The following TPD52 variants were observed in gnomAD, a reference collection of about 807,000 sequenced individuals.
The protein encoded by TPD52 is prostate and colon associated protein.
Under a neutral mutation model 31.3 loss-of-function variants are expected in TPD52, and 17 were observed. The observed-to-expected ratio is 0.54, with a 90% CI of 0.37 to 0.82. The LOEUF is 0.82. Ranked by LOEUF, TPD52 falls within the 40% of genes least tolerant of loss-of-function variation. TPD52 has a pLI of 0.00. For synonymous variants in TPD52, 83 were observed against 89.6 expected (o/e 0.93, Z 0.42); for missense variants, 212 against 240.1 (o/e 0.88, Z 0.77).
intron 1 of TPD52, among the ~76,000 whole-genome samples, chr8:80,162,518 G>A (rs576337387): frequency 6.6e-6 from 1 of 151,982 alleles, no homozygotes; most frequent in Non-Finnish European, 1.5e-5. Flanking sequence ...AATGACTAGA[G>A]AGACTGAGGC....
intron 1 of TPD52, among the ~76,000 whole-genome samples, chr8:80,151,357 A>G (rs1190678108): frequency 6.6e-6 from 1 of 152,238 alleles, no homozygotes; most frequent in Non-Finnish European, 1.5e-5. Context: ...AGAAATAACA[A>G]AAGTATATTT....
At chr8:80,050,225 G>T in intron 5 of TPD52, 1 of 401,652 alleles carries the variant, frequency 2.5e-6, no homozygotes, top group Non-Finnish European at 4.4e-6. Flanking sequence ...CATATCCCTT[G>T]AACCACAGTG....
chr8:80,087,146 C>T (rs1320462548), intron 1 of TPD52, among the ~76,000 whole-genome samples: 2 of 151,398 alleles, frequency 1.3e-5, no homozygotes, highest in African/African-American at 2.4e-5. Context: ...TTTTTTTTTC[C>T]CCCCATCAAC....
At chr8:80,062,785 A>G (rs888807759) in intron 2 of TPD52, among the ~76,000 whole-genome samples, 5 of 152,112 alleles carry the variant, frequency 3.3e-5, no homozygotes, top group African/African-American at 1.2e-4. Flanking sequence ...CAACATAGCA[A>G]AATCTCATCT....
intron 1 of TPD52, among the ~76,000 whole-genome samples, chr8:80,111,461 G>A (rs2130981810): frequency 6.6e-6 from 1 of 152,292 alleles, no homozygotes; most frequent in South Asian, 2.1e-4. Flanking sequence ...TGGTTAGTGT[G>A]TAGGGAAAAA....
At chr8:80,081,949 A>G (rs973582291) in intron 1 of TPD52, among the ~76,000 whole-genome samples, 1 of 151,988 alleles carries the variant, frequency 6.6e-6, no homozygotes, top group Admixed American at 6.6e-5. Flanking sequence ...GATTACAGGC[A>G]CCCACCACCC....
chr8:80,080,783 T>C, intron 1 of TPD52: 1 of 1,029,192 alleles, frequency 9.7e-7, no homozygotes, highest in Non-Finnish European at 1.2e-6. Context: ...GGCAGGGTTC[T>C]GCAATATGGC....
chr8:80,133,055 T>G (rs1392239380), intron 1 of TPD52, among the ~76,000 whole-genome samples: 2 of 151,980 alleles, frequency 1.3e-5, no homozygotes, highest in Non-Finnish European at 2.9e-5. Flanking sequence ...GAGTGTAGAG[T>G]TCAAATCCTG....
chr8:80,132,087 TG>T (rs1466637888), intron 1 of TPD52, among the ~76,000 whole-genome samples: 4 of 151,734 alleles, frequency 2.6e-5, no homozygotes, highest in African/African-American at 9.7e-5. Context: ...TAGAGTGCTG[TG>T]GTGTGATCTT....
intron 1 of TPD52, among the ~76,000 whole-genome samples, chr8:80,162,760 C>A (rs901874612): frequency 2.0e-5 from 3 of 151,958 alleles, no homozygotes; most frequent in East Asian, 1.9e-4. Flanking sequence ...AACAACTAAT[C>A]TGATCAAAAA....
At chr8:80,157,863 G>A (rs1193031293) in intron 1 of TPD52, among the ~76,000 whole-genome samples, 2 of 152,130 alleles carry the variant, frequency 1.3e-5, no homozygotes, top group African/African-American at 4.8e-5. Flanking sequence ...GCTTCTTGAA[G>A]GTCAAACTCT....
intron 1 of TPD52, chr8:80,119,738 GAATA>G: frequency 3.5e-6 from 1 of 288,070 alleles, no homozygotes. Context: ...ACTGGCATAA[GAATA>G]AACAAAACAT....
At chr8:80,120,440 C>CA (rs1369579890) in intron 1 of TPD52, among the ~76,000 whole-genome samples, 1 of 151,370 alleles carries the variant, frequency 6.6e-6, no homozygotes, top group Non-Finnish European at 1.5e-5. Context: ...AGTGAGCTGC[C>CA]ACGGCACTCC....
intron 1 of TPD52, among the ~76,000 whole-genome samples, chr8:80,109,187 T>C (rs1244441298): frequency 6.6e-6 from 1 of 152,140 alleles, no homozygotes; most frequent in Non-Finnish European, 1.5e-5. Context: ...CACCCAAATA[T>C]ATAGGTACTG....
At position 80,036,810 on chromosome 8, in the gene TPD52, C is replaced by G. The variant is rs1809941922; in HGVS notation, c.*1306G>C. On this transcript the variant is annotated 3_prime_UTR_variant, in exon 8 of 8. Coordinates refer to ENST00000518937, the MANE Select transcript of TPD52 (RefSeq NM_001025253.3). ...ATGCTTTAGGTCACTCCAAGCTTGGCAGTTAACATTTGGCATAAACAATAA... is the reference window on the plus strand; with the variant it reads ...ATGCTTTAGGTCACTCCAAGCTTGGGAGTTAACATTTGGCATAAACAATAA... 6.6e-6 allele frequency: 1 copy of G among 152,536 alleles called. No individual in the cohort carries two copies. Among genetic ancestry groups the G allele is most frequent in the Non-Finnish European group, 1.5e-5 (1 of 68,016 alleles). 9.4% of individuals were successfully genotyped at this position (152,536 alleles called of 1,614,324 possible). A position where few individuals can be genotyped will look rare whatever the true frequency, so the allele number is the denominator to read the frequency against.
chr8:80,168,848 C>T (rs1329322651), intron 1 of TPD52, among the ~76,000 whole-genome samples: 1 of 152,238 alleles, frequency 6.6e-6, no homozygotes, highest in Non-Finnish European at 1.5e-5. Context: ...GGGGCCTGCT[C>T]TTGGACACTT....
At chr8:80,040,481 C>T (rs180700144) in intron 7 of TPD52, among the ~76,000 whole-genome samples, 1 of 152,200 alleles carries the variant, frequency 6.6e-6, no homozygotes, top group East Asian at 1.9e-4. Flanking sequence ...TAAGCCACTG[C>T]GCCCAGCCAA....
chr8:80,138,390 G>A (rs1423953552), intron 1 of TPD52, among the ~76,000 whole-genome samples: 1 of 152,160 alleles, frequency 6.6e-6, no homozygotes, highest in East Asian at 1.9e-4. Flanking sequence ...GCCCTCTTAG[G>A]AGGAAAATGG....
chr8:80,113,924 A>T (rs1807681833), intron 1 of TPD52, among the ~76,000 whole-genome samples: 1 of 152,160 alleles, frequency 6.6e-6, no homozygotes, highest in Non-Finnish European at 1.5e-5. Flanking sequence ...ATATACAATT[A>T]TGTGTCAAGT....
Sources: gnomAD v4.1 joint callset for allele counts (sites outside exome capture counted in the v4.1 genomes callset) on GRCh38, gnomAD v4.1.1 for gene constraint, MANE v1.5 for transcripts, NCBI Gene and HGNC (gene_info 2026-07-23, HGNC 2026-07-21) for gene names.